Variants in FSHR observed in about 807,000 individuals in gnomAD.
The protein encoded by FSHR is follicle stimulating hormone receptor.
FSHR carries 46 observed loss-of-function variants against 52.1 expected under a neutral mutation model. The ratio of observed to expected loss-of-function variants is 0.88; its 90% CI spans 0.70 to 1.13. The LOEUF (loss-of-function observed/expected upper bound fraction) is 1.13, where lower values mean the gene tolerates loss of function less well. Among genes scored for constraint, FSHR ranks in the 50% most tolerant of loss-of-function variants. The probability of loss-of-function intolerance (pLI) is 0.00; values close to 1 mark genes in which losing one functional copy is unlikely to be tolerated. For synonymous variants in FSHR, 399 were observed against 309.6 expected, an observed-to-expected ratio of 1.29 and a Z score of -3.03; for missense variants, 964 against 834.6, an observed-to-expected ratio of 1.16 and a Z score of -1.91.
intron 2 of FSHR, among the ~76,000 whole-genome samples, chr2:49,044,037 T>G (rs2104288106): frequency 6.6e-6 from 1 of 152,332 alleles, no homozygotes; most frequent in East Asian, 1.9e-4. Flanking sequence ...TTCTGGTTTA[T>G]ACTCTGTTTT....
chr2:49,109,589 G>A (rs534943973), intron 1 of FSHR, among the ~76,000 whole-genome samples: 3 of 152,214 alleles, frequency 2.0e-5, no homozygotes, highest in South Asian at 4.2e-4. Context: ...TGGTGAAACA[G>A]GGCATCTCCT....
At chr2:49,109,459 G>A (rs1671349034) in intron 1 of FSHR, among the ~76,000 whole-genome samples, 1 of 152,198 alleles carries the variant, frequency 6.6e-6, no homozygotes, top group African/African-American at 2.4e-5. Context: ...TGACTACAAT[G>A]TAGAGATAGA....
chr2:49,058,461 C>A (rs550625545), intron 2 of FSHR, among the ~76,000 whole-genome samples: 1 of 151,892 alleles, frequency 6.6e-6, no homozygotes, highest in South Asian at 2.1e-4. Flanking sequence ...GCAGGGGAAT[C>A]GCTGGAACCG....
intron 4 of FSHR, among the ~76,000 whole-genome samples, chr2:48,993,158 T>G (rs192364969): frequency 1.3e-5 from 2 of 152,244 alleles, no homozygotes; most frequent in Admixed American, 6.5e-5. Flanking sequence ...AGATCTTGCT[T>G]CCTGTGATTT....
chr2:48,992,577 TG>T (rs1675834368), intron 4 of FSHR, among the ~76,000 whole-genome samples: 1 of 152,118 alleles, frequency 6.6e-6, no homozygotes, highest in African/African-American at 2.4e-5. Flanking sequence ...GTACTGTGAG[TG>T]CTCACCTGAT....
intron 1 of FSHR, among the ~76,000 whole-genome samples, chr2:49,078,061 C>T (rs1018309578): frequency 6.6e-6 from 1 of 152,186 alleles, no homozygotes; most frequent in African/African-American, 2.4e-5. Flanking sequence ...AGCAATGCCC[C>T]ACTCTACTGG....
At chr2:49,088,767 A>G (rs1670492237) in intron 1 of FSHR, among the ~76,000 whole-genome samples, 1 of 152,208 alleles carries the variant, frequency 6.6e-6, no homozygotes. Context: ...ACTTCCTTTT[A>G]GAGTCCATGA....
chr2:49,128,210 G>C (rs988076591), intron 1 of FSHR, among the ~76,000 whole-genome samples: 1 of 151,796 alleles, frequency 6.6e-6, no homozygotes, highest in African/African-American at 2.4e-5. Context: ...ATCTCTGTCT[G>C]GTTAGTTTTT....
intron 2 of FSHR, among the ~76,000 whole-genome samples, chr2:49,057,823 A>G (rs1669122326): frequency 1.3e-5 from 2 of 152,214 alleles, no homozygotes; most frequent in African/African-American, 4.8e-5. Context: ...ATAATATATG[A>G]GAATTAAGTG....
chr2:49,132,009 C>T (rs1176786552), intron 1 of FSHR, among the ~76,000 whole-genome samples: 8 of 152,078 alleles, frequency 5.3e-5, no homozygotes, highest in Admixed American at 5.2e-4. Flanking sequence ...CTTGAAAAGC[C>T]TTATTCTATT....
chr2:49,148,502 G>A lies in FSHR; in HGVS notation c.152+5764C>T, dbSNP rs193145168. ...TCATTTGTACTACCTGTAATTGAGC[G>A]TCCAGAATACACATCGTATTGAACC... On this transcript the variant is annotated intron_variant, in intron 1 of 9. Coordinates refer to ENST00000406846, the MANE Select transcript of FSHR (RefSeq NM_000145.4). Among the ~76,000 whole-genome samples the A allele has an allele frequency of 2.8e-4, 42 of 152,040 alleles. No individual in the cohort carries two copies. In the South Asian group the frequency reaches 7.1e-3, roughly 26 times the overall value.
At chr2:49,029,062 A>G (rs2104249278) in intron 2 of FSHR, among the ~76,000 whole-genome samples, 1 of 152,360 alleles carries the variant, frequency 6.6e-6, no homozygotes, top group East Asian at 1.9e-4. Flanking sequence ...GGATACATAC[A>G]GTAGGTGTTA....
chr2:49,107,449 T>A (rs1303418406), intron 1 of FSHR, among the ~76,000 whole-genome samples: 1 of 152,176 alleles, frequency 6.6e-6, no homozygotes, highest in Non-Finnish European at 1.5e-5. Context: ...CACTCTGTTA[T>A]AATTAGCCCC....
At chr2:48,964,168 C>T (rs1471611733) in intron 9 of FSHR, among the ~76,000 whole-genome samples, 1 of 151,842 alleles carries the variant, frequency 6.6e-6, no homozygotes. Flanking sequence ...ATATATATTA[C>T]TAGAGTTGGA....
intron 4 of FSHR, among the ~76,000 whole-genome samples, chr2:49,005,597 G>A (rs1255518902): frequency 6.6e-6 from 1 of 152,160 alleles, no homozygotes; most frequent in Non-Finnish European, 1.5e-5. Context: ...ACTGGGGGAA[G>A]AGAGGGTTTT....
At chr2:49,002,170 T>G (rs1666914426) in intron 4 of FSHR, among the ~76,000 whole-genome samples, 1 of 152,152 alleles carries the variant, frequency 6.6e-6, no homozygotes, top group African/African-American at 2.4e-5. Flanking sequence ...TAATACAAAG[T>G]AAAAGAGCTT....
At chr2:49,121,295 C>T (rs1414627536) in intron 1 of FSHR, among the ~76,000 whole-genome samples, 1 of 152,188 alleles carries the variant, frequency 6.6e-6, no homozygotes, top group African/African-American at 2.4e-5. Context: ...ATTTAACCTC[C>T]CTGACCTTCA....
In FSHR at chr2:49,017,470, A is replaced by C. The variant is rs199897274; in HGVS notation, c.374+19T>G. The C allele has an allele frequency of 7.5e-5, 119 of 1,590,752 alleles. 1 individual carries two copies. The African/African-American group carries it at 1.5e-3, about 20-fold the overall frequency. On this transcript the variant is annotated intron_variant, in intron 4 of 9. Coordinates refer to ENST00000406846, the MANE Select transcript of FSHR (RefSeq NM_000145.4). ...ACTATTTAATCATAGTGGGGGTACC[A>C]AACTACATGAGTTCTTACAGATATT... is the stretch of plus-strand genomic sequence containing the variant.
At chr2:49,015,167 C>T (rs1340906434) in intron 4 of FSHR, among the ~76,000 whole-genome samples, 1 of 152,108 alleles carries the variant, frequency 6.6e-6, no homozygotes, top group Non-Finnish European at 1.5e-5. Flanking sequence ...AACCAGCTAG[C>T]TAATAAATAT....
Sources: gnomAD v4.1 joint callset for allele counts (sites outside exome capture counted in the v4.1 genomes callset) on GRCh38, gnomAD v4.1.1 for gene constraint, MANE v1.5 for transcripts, NCBI Gene and HGNC (gene_info 2026-07-23, HGNC 2026-07-21) for gene names.